The following PDE10A variants were observed in gnomAD, a reference collection of about 807,000 sequenced individuals.
The protein encoded by PDE10A is cAMP and cAMP-inhibited cGMP 3',5'-cyclic phosphodiesterase 10A.
A neutral mutation model predicts 97.7 loss-of-function variants in PDE10A; 39 were observed. That is an observed-to-expected ratio of 0.40 (90% CI 0.31 to 0.52). The LOEUF is 0.52. Among genes scored for constraint, PDE10A ranks in the 20% least tolerant of loss-of-function variants. The probability of loss-of-function intolerance (pLI) is 0.56; values close to 1 mark genes in which losing one functional copy is unlikely to be tolerated. For synonymous variants in PDE10A, 371 were observed against 376.8 expected (o/e 0.98, Z 0.18); for missense variants, 731 against 1,047.8 (o/e 0.70, Z 4.17).
At position 165,396,304 on chromosome 6, in the gene PDE10A, G is replaced by A. The variant is rs748862918; in HGVS notation, c.2219+13C>T. ...AATGGTTCCTGAAGAAACTGACAGAGCAACATACTTACAATTCAATTTCTT... is the reference window on the plus strand; with the variant it reads ...AATGGTTCCTGAAGAAACTGACAGAACAACATACTTACAATTCAATTTCTT... On this transcript the variant is annotated intron_variant, in intron 14 of 21. Transcript: ENST00000539869. The A allele has an allele frequency of 6.2e-7, 1 of 1,608,356 alleles. No individual in the cohort carries two copies. The highest frequency in any genetic ancestry group is 1.1e-5 in the South Asian group (1 of 89,678).
chr6:165,483,843 G>A (rs187410144), intron 2 of PDE10A, among the ~76,000 whole-genome samples: 1 of 152,294 alleles, frequency 6.6e-6, no homozygotes, highest in Admixed American at 6.5e-5. Context: ...GTAAATAAAT[G>A]TTCCTTTGGC....
At chr6:165,791,253 G>C (rs976941585) in intron 1 of PDE10A, among the ~76,000 whole-genome samples, 8 of 151,936 alleles carry the variant, frequency 5.3e-5, no homozygotes, top group African/African-American at 1.7e-4. Flanking sequence ...GAGGTTTTTT[G>C]ATTCTATGAA....
chr6:165,584,891 T>C (rs565372445), intron 1 of PDE10A, among the ~76,000 whole-genome samples: 25 of 152,250 alleles, frequency 1.6e-4, no homozygotes, highest in Middle Eastern at 3.4e-3. Flanking sequence ...GAATATGGAA[T>C]GAGTAATGGA....
intron 1 of PDE10A, chr6:165,949,565 C>A (rs1299691195): frequency 2.0e-5 from 3 of 152,044 alleles, no homozygotes; most frequent in African/African-American, 7.3e-5. Flanking sequence ...ACTGGGGTGA[C>A]CACCGCAGAT....
chr6:165,759,232 G>A (rs1449414330), intron 1 of PDE10A, among the ~76,000 whole-genome samples: 1 of 152,146 alleles, frequency 6.6e-6, no homozygotes, highest in Non-Finnish European at 1.5e-5. Context: ...TGTACTCTTG[G>A]GAAGGTATTT....
chr6:165,830,569 G>A (rs1779881203), intron 1 of PDE10A, among the ~76,000 whole-genome samples: 1 of 152,130 alleles, frequency 6.6e-6, no homozygotes, highest in Admixed American at 6.5e-5. Context: ...CACAGGAGCA[G>A]TGTGCACACC....
chr6:165,625,927 G>A (rs879868729), intron 1 of PDE10A, among the ~76,000 whole-genome samples: 9 of 152,172 alleles, frequency 5.9e-5, no homozygotes, highest in Non-Finnish European at 8.8e-5. Flanking sequence ...CGTTGCGTTC[G>A]GGGGAAAGTA....
At chr6:165,910,923 T>A (rs1562794411) in intron 1 of PDE10A, 2 of 152,170 alleles carry the variant, frequency 1.3e-5, no homozygotes, top group African/African-American at 2.4e-5. Context: ...TGGTCAGCAC[T>A]GGGACTGGTC....
intron 1 of PDE10A, among the ~76,000 whole-genome samples, chr6:165,578,460 T>C (rs938021798): frequency 6.6e-5 from 10 of 152,172 alleles, no homozygotes; most frequent in African/African-American, 2.4e-4. Context: ...AACAGTCTGT[T>C]TCAGATTTTT....
chr6:165,507,581 C>T (rs1009124528), intron 2 of PDE10A, among the ~76,000 whole-genome samples: 2 of 152,034 alleles, frequency 1.3e-5, no homozygotes, highest in African/African-American at 2.4e-5. Context: ...GCCTATCTCC[C>T]GCCAGATTTG....
At chr6:165,970,047 G>A (rs1271429961) in intron 1 of PDE10A, among the ~76,000 whole-genome samples, 1 of 152,168 alleles carries the variant, frequency 6.6e-6, no homozygotes, top group Non-Finnish European at 1.5e-5. Context: ...TAGGACAAAT[G>A]GACACAGCAT....
chr6:165,691,368 G>A (rs951015228), intron 1 of PDE10A, among the ~76,000 whole-genome samples: 5 of 152,002 alleles, frequency 3.3e-5, no homozygotes, highest in Admixed American at 2.6e-4. Context: ...GTTGCCTACA[G>A]ATTCAGTAAA....
chr6:165,594,996 T>G (rs1165504909), intron 1 of PDE10A, among the ~76,000 whole-genome samples: 1 of 152,236 alleles, frequency 6.6e-6, no homozygotes, highest in Non-Finnish European at 1.5e-5. Context: ...TTCAGAGAAG[T>G]AACTTTGTCA....
chr6:165,565,023 T>A (rs1414936127), intron 1 of PDE10A, among the ~76,000 whole-genome samples: 1 of 152,044 alleles, frequency 6.6e-6, no homozygotes, highest in Non-Finnish European at 1.5e-5. Context: ...AGACAAAAAA[T>A]AGGTAATAGG....
Position 165,432,977 on chromosome 6 carries a change from C to T in PDE10A, c.1488G>A (p.Gln496=), listed in dbSNP as rs771369855. ...ATGCAGCATTTAAAGGCCTTACCTC[C>T]TGGTGACTAAGACAGAAGGCTTCTT... is the stretch of plus-strand genomic sequence containing the variant. ...WGKEAFCLSH[Q]EVATANLAWA... Residue 496 remains glutamine (Q), a synonymous_variant, in exon 7 of 22, where the codon CAG becomes CAA. Transcript: ENST00000539869. The T allele has an allele frequency of 4.8e-5, 78 of 1,613,178 alleles. No homozygotes were observed. The highest frequency in any genetic ancestry group is 6.4e-5 in the Non-Finnish European group (75 of 1,179,620).
chr6:165,677,524 T>G (rs1381472798), intron 1 of PDE10A, among the ~76,000 whole-genome samples: 2 of 152,254 alleles, frequency 1.3e-5, no homozygotes, highest in Admixed American at 1.3e-4. Context: ...ACCTTTTTCT[T>G]GTCATTATTT....
intron 20 of PDE10A, 141 bp downstream of exon 20, chr6:165,339,137 T>C (rs149246188): frequency 4.3e-6 from 3 of 693,360 alleles, no homozygotes; most frequent in East Asian, 2.6e-5. Context: ...CTGAAGTTTC[T>C]ATATTAATCA....
intron 1 of PDE10A, among the ~76,000 whole-genome samples, chr6:165,903,624 G>A (rs775073777): frequency 7.9e-5 from 12 of 152,166 alleles, no homozygotes; most frequent in Non-Finnish European, 1.2e-4. Context: ...ATAACAGGCC[G>A]CTACTCATCG....
intron 5 of PDE10A, among the ~76,000 whole-genome samples, chr6:165,437,476 C>A (rs372904507): frequency 1.8e-4 from 27 of 152,176 alleles, no homozygotes; most frequent in African/African-American, 5.5e-4. Flanking sequence ...CTATTTATTA[C>A]GCTTGCTGAA....
Sources: allele counts gnomAD v4.1 joint callset (sites outside exome capture counted in the v4.1 genomes callset), GRCh38; gene constraint gnomAD v4.1.1; transcripts MANE v1.5; gene names NCBI Gene and HGNC (gene_info 2026-07-23, HGNC 2026-07-21).